NBEA: variants seen among roughly 807,000 people sequenced by gnomAD.
NBEA encodes the protein neurobeachin.
NBEA carries 44 observed loss-of-function variants against 343.4 expected under a neutral mutation model. The ratio of observed to expected loss-of-function variants is 0.13; its 90% CI spans 0.10 to 0.16. The LOEUF (loss-of-function observed/expected upper bound fraction) is 0.16, where lower values mean the gene tolerates loss of function less well. NBEA is among the 10% of genes least tolerant of loss of function. The pLI is 1.00. For missense variants in NBEA, 2,555 were observed against 3,631.3 expected, an observed-to-expected ratio of 0.70 and a Z score of 7.62; for synonymous variants, 1,175 against 1,238.7, an observed-to-expected ratio of 0.95 and a Z score of 1.08.
intron 40 of NBEA, 94 bp from the exon 41 acceptor site, chr13:35,472,306 C>T: frequency 1.4e-6 from 2 of 1,384,238 alleles, no homozygotes; most frequent in Non-Finnish European, 1.9e-6. Flanking sequence ...TTTTCTAGTG[C>T]ATCCTTACCA....
At position 35,071,110 on chromosome 13, in the gene NBEA, A is replaced by T. The variant is rs184901280; in HGVS notation, c.1571+258A>T. 1.1e-3 allele frequency: 323 copies of T among 289,920 alleles called. 1 individual carries two copies. Among genetic ancestry groups the T allele is most frequent in the African/African-American group, 4.8e-3 (222 of 46,184 alleles). The allele number at this position is 289,920 out of a possible 1,614,324, so 18.0% of individuals were successfully genotyped here. A position where few individuals can be genotyped will look rare whatever the true frequency, so the allele number is the denominator to read the frequency against. On this transcript the variant is annotated intron_variant, in intron 10 of 58. Coordinates refer to ENST00000379939, the MANE Select transcript of NBEA (RefSeq NM_001385012.1). ...TCTTACCAAAGATAGCATAATGATT[A>T]TAATATGTAGTTGAGGGAAAAATAT... is the stretch of plus-strand genomic sequence containing the variant.
chr13:35,597,464 C>T (rs998879103), intron 47 of NBEA, among the ~76,000 whole-genome samples: 1 of 152,116 alleles, frequency 6.6e-6, no homozygotes, highest in Non-Finnish European at 1.5e-5. Context: ...CTTAAGCATG[C>T]AATCTAGTGT....
chr13:35,643,932 A>C (rs1323815699), intron 49 of NBEA, among the ~76,000 whole-genome samples: 1 of 152,194 alleles, frequency 6.6e-6, no homozygotes, highest in Admixed American at 6.5e-5. Context: ...AAGGACAGAA[A>C]ATCTTACATG....
At chr13:35,145,507 A>C (rs1206184949) in intron 18 of NBEA, among the ~76,000 whole-genome samples, 1 of 152,168 alleles carries the variant, frequency 6.6e-6, no homozygotes, top group Non-Finnish European at 1.5e-5. Context: ...GATGTCATCC[A>C]CATATTGGCG....
intron 39 of NBEA, among the ~76,000 whole-genome samples, chr13:35,433,859 A>C (rs2045267832): frequency 6.6e-6 from 1 of 152,050 alleles, no homozygotes; most frequent in Admixed American, 6.6e-5. Context: ...ATGCTTTATA[A>C]TATGATCTTA....
Position 35,017,193 on chromosome 13 carries a change from T to A in NBEA, c.295-23740T>A, listed in dbSNP as rs191036002. ...TAGTGGTGACACAGTTATTTTTTTT[T>A]ATTAAATAAAGTGAAGAAACTAGAA... is the stretch of plus-strand genomic sequence containing the variant. On this transcript the variant is annotated intron_variant, in intron 1 of 58. Transcript: ENST00000379939. Among the ~76,000 whole-genome samples, 569 of 152,334 alleles carry A rather than the reference T, an allele frequency of 3.7e-3. 2 individuals carry two copies. Among genetic ancestry groups the A allele is most frequent in the Admixed American group, 6.1e-3 (94 of 15,306 alleles).
chr13:35,008,065 G>A (rs559488861), intron 1 of NBEA, among the ~76,000 whole-genome samples: 21 of 152,300 alleles, frequency 1.4e-4, no homozygotes, highest in African/African-American at 4.3e-4. Context: ...TGGTGCTGGT[G>A]TGTAGGCTTG....
intron 41 of NBEA, among the ~76,000 whole-genome samples, chr13:35,550,126 T>C (rs1029156893): frequency 6.6e-6 from 1 of 152,166 alleles, no homozygotes; most frequent in African/African-American, 2.4e-5. Context: ...GGGCTTCCAT[T>C]AAGCAAGGAA....
intron 20 of NBEA, among the ~76,000 whole-genome samples, 168 bp downstream of exon 20, chr13:35,156,374 T>C (rs1206393763): frequency 6.6e-6 from 1 of 152,130 alleles, no homozygotes; most frequent in African/African-American, 2.4e-5. Context: ...TTCTTCTATT[T>C]ATTTTTATAT....
chr13:35,258,227 G>A (rs2152795456), intron 34 of NBEA, among the ~76,000 whole-genome samples: 1 of 151,060 alleles, frequency 6.6e-6, no homozygotes, highest in African/African-American at 2.4e-5. Flanking sequence ...GAGTGCAGTG[G>A]CGCGATCTCC....
chr13:35,568,776 T>C (rs1025920030), intron 45 of NBEA, among the ~76,000 whole-genome samples: 5 of 152,172 alleles, frequency 3.3e-5, no homozygotes, highest in Non-Finnish European at 5.9e-5. Context: ...CTGCAGTGTT[T>C]CCATTAAGCA....
At chr13:35,280,959 T>G (rs2035012417) in intron 34 of NBEA, among the ~76,000 whole-genome samples, 1 of 152,074 alleles carries the variant, frequency 6.6e-6, no homozygotes, top group African/African-American at 2.4e-5. Flanking sequence ...TTTTTTAAAA[T>G]TACGAAGTGA....
Position 35,394,749 on chromosome 13 carries a change from G to T in NBEA, c.6180-37520G>T, listed in dbSNP as rs546181919. On this transcript the variant is annotated intron_variant, in intron 38 of 58. Coordinates refer to ENST00000379939, the MANE Select transcript of NBEA (RefSeq NM_001385012.1). ...ATTCTCTACCAGATAATTCCTTGTG[G>T]TTTCTTCTCTCATCCTTATTATTTT... Among the ~76,000 whole-genome samples, 87 of 152,016 alleles carry T rather than the reference G, an allele frequency of 5.7e-4. 2 individuals carry two copies. The East Asian group carries it at 0.016, about 29-fold the overall frequency.
intron 33 of NBEA, among the ~76,000 whole-genome samples, chr13:35,228,581 A>G (rs948618435): frequency 2.0e-5 from 3 of 152,052 alleles, no homozygotes; most frequent in Non-Finnish European, 2.9e-5. Flanking sequence ...CTATCATTCC[A>G]TATTCTATGT....
chr13:35,550,887 T>C (rs746891989), intron 42 of NBEA, 43 bp from the exon 43 acceptor site: 1 of 1,237,640 alleles, frequency 8.1e-7, no homozygotes, highest in African/African-American at 1.5e-5. Flanking sequence ...GGCTAACTTA[T>C]CCTGCGGTTT....
chr13:35,327,394 G>A (rs2265203), intron 36 of NBEA, among the ~76,000 whole-genome samples: 22,528 of 151,902 alleles, frequency 0.15, 1,825 homozygotes, highest in East Asian at 0.23. Flanking sequence ...CATCAGTGGT[G>A]GATTGGATAA....
At chr13:35,468,935 C>A (rs992780216) in intron 40 of NBEA, among the ~76,000 whole-genome samples, 1 of 151,726 alleles carries the variant, frequency 6.6e-6, no homozygotes, top group African/African-American at 2.4e-5. Flanking sequence ...CCTGTCTCTA[C>A]TAAAAATACA....
At chr13:35,661,253 G>T (rs2153084944) in intron 55 of NBEA, among the ~76,000 whole-genome samples, 1 of 152,302 alleles carries the variant, frequency 6.6e-6, no homozygotes, top group East Asian at 1.9e-4. Context: ...GGAAGGGGAG[G>T]TGGATGATAC....
intron 34 of NBEA, among the ~76,000 whole-genome samples, chr13:35,287,324 C>T (rs1216328365): frequency 6.6e-6 from 1 of 151,992 alleles, no homozygotes; most frequent in African/African-American, 2.4e-5. Flanking sequence ...TTGGGGGCTT[C>T]TTCTTAATTA....
Sources: gnomAD v4.1 joint callset for allele counts (sites outside exome capture counted in the v4.1 genomes callset) on GRCh38, gnomAD v4.1.1 for gene constraint, MANE v1.5 for transcripts, NCBI Gene and HGNC (gene_info 2026-07-23, HGNC 2026-07-21) for gene names.